FHIT: variants seen among roughly 807,000 people sequenced by gnomAD.
FHIT encodes bis(5'-adenosyl)-triphosphatase.
FHIT carries 19 observed loss-of-function variants against 17.9 expected under a neutral mutation model. The observed-to-expected ratio is 1.06, with a 90% CI of 0.74 to 1.56. FHIT has a LOEUF of 1.56. Among genes scored for constraint, FHIT ranks in the 40% most tolerant of loss-of-function variants. The probability of loss-of-function intolerance (pLI) is 0.00; values close to 1 mark genes in which losing one functional copy is unlikely to be tolerated. For missense variants in FHIT, 248 were observed against 189.2 expected, an observed-to-expected ratio of 1.31 and a Z score of -1.82; for synonymous variants, 81 against 69.7, an observed-to-expected ratio of 1.16 and a Z score of -0.81.
intron 4 of FHIT, among the ~76,000 whole-genome samples, chr3:60,591,027 C>T (rs958147587): frequency 6.6e-6 from 1 of 151,984 alleles, no homozygotes; most frequent in East Asian, 1.9e-4. Context: ...TGAAAGTCAG[C>T]AATAGTACCG....
At chr3:60,179,010 A>G (rs1701805119) in intron 5 of FHIT, among the ~76,000 whole-genome samples, 1 of 152,174 alleles carries the variant, frequency 6.6e-6, no homozygotes, top group African/African-American at 2.4e-5. Flanking sequence ...GGGGCCCCTT[A>G]ATTACACTAT....
intron 5 of FHIT, among the ~76,000 whole-genome samples, chr3:60,059,798 C>T (rs1702228105): frequency 6.6e-6 from 1 of 152,088 alleles, no homozygotes; most frequent in Non-Finnish European, 1.5e-5. Flanking sequence ...GTTGGGTCTC[C>T]CCTTCTAGTA....
intron 2 of FHIT, among the ~76,000 whole-genome samples, chr3:61,160,158 A>C (rs762703742): frequency 1.4e-4 from 21 of 152,144 alleles, no homozygotes; most frequent in Admixed American, 1.2e-3. Flanking sequence ...AGAAAACTAC[A>C]CATTCCTCTC....
chr3:60,399,056 C>T (rs1466687269), intron 5 of FHIT, among the ~76,000 whole-genome samples: 18 of 152,092 alleles, frequency 1.2e-4, no homozygotes, highest in Admixed American at 1.2e-3. Context: ...GCCAGATAAT[C>T]AGTCTCTTTT....
At chr3:60,805,455 T>A (rs552302178) in intron 4 of FHIT, among the ~76,000 whole-genome samples, 1 of 152,236 alleles carries the variant, frequency 6.6e-6, no homozygotes, top group East Asian at 1.9e-4. Context: ...TCCCCTAGTA[T>A]CTCCTCTTCT....
At chr3:60,035,861 C>A (rs1467383833) in intron 5 of FHIT, among the ~76,000 whole-genome samples, 2 of 152,136 alleles carry the variant, frequency 1.3e-5, no homozygotes, top group African/African-American at 4.8e-5. Context: ...ATAGGTTAAG[C>A]TAGGTGTTGC....
rs147195833 is a variant in FHIT at position 60,358,668 on chromosome 3, C to T, written c.103+178192G>A. Among the ~76,000 whole-genome samples, 766 of 152,286 alleles carry T rather than the reference C, an allele frequency of 5.0e-3. 8 individuals are homozygous for T. The highest frequency in any genetic ancestry group is 7.4e-3 in the Non-Finnish European group (500 of 68,020). ...AAAGAAGGGGCTGATAACACAGATA[C>T]AACATGGTAGGTCTATACTTTCTAG... On this transcript the variant is annotated intron_variant, in intron 5 of 9. Coordinates refer to ENST00000492590, the MANE Select transcript of FHIT (RefSeq NM_002012.4).
chr3:60,176,539 T>C (rs1464302539), intron 5 of FHIT, among the ~76,000 whole-genome samples: 1 of 152,144 alleles, frequency 6.6e-6, no homozygotes, highest in African/African-American at 2.4e-5. Flanking sequence ...TAAGGCTGTG[T>C]GATATATAAA....
At chr3:60,089,641 G>T (rs1039021441) in intron 5 of FHIT, among the ~76,000 whole-genome samples, 1 of 152,134 alleles carries the variant, frequency 6.6e-6, no homozygotes, top group Non-Finnish European at 1.5e-5. Context: ...CACCATTAGC[G>T]CTGCTCTAAC....
intron 5 of FHIT, among the ~76,000 whole-genome samples, chr3:60,060,357 C>T (rs145682532): frequency 8.5e-5 from 13 of 152,282 alleles, no homozygotes; most frequent in African/African-American, 3.1e-4. Context: ...AACTAAGGAT[C>T]ACTAAATCCT....
chr3:60,563,374 G>C (rs1271800295), intron 4 of FHIT, among the ~76,000 whole-genome samples: 2 of 152,160 alleles, frequency 1.3e-5, no homozygotes, highest in Non-Finnish European at 2.9e-5. Flanking sequence ...CTCAGATATT[G>C]CATTTTTAGA....
chr3:60,362,416 A>G (rs764972023), intron 5 of FHIT, among the ~76,000 whole-genome samples: 1 of 152,180 alleles, frequency 6.6e-6, no homozygotes, highest in Non-Finnish European at 1.5e-5. Flanking sequence ...GGTTAACAAA[A>G]TGTGTTGTTT....
intron 5 of FHIT, among the ~76,000 whole-genome samples, chr3:60,303,902 G>C (rs548243046): frequency 2.6e-5 from 4 of 152,152 alleles, no homozygotes; most frequent in Non-Finnish European, 4.4e-5. Context: ...GAGGATTACA[G>C]ATTAATAGTA....
At chr3:60,420,337 CAA>C (rs755753492) in intron 5 of FHIT, among the ~76,000 whole-genome samples, 36 of 152,124 alleles carry the variant, frequency 2.4e-4, no homozygotes, top group Non-Finnish European at 4.1e-4. Context: ...CAACTAGTCT[CAA>C]GTGATCAAAA....
At chr3:60,828,048 T>C (rs1702189610) in intron 3 of FHIT, among the ~76,000 whole-genome samples, 1 of 152,194 alleles carries the variant, frequency 6.6e-6, no homozygotes, top group Non-Finnish European at 1.5e-5. Flanking sequence ...ACCAACCAAA[T>C]AGGTGCATGA....
intron 3 of FHIT, among the ~76,000 whole-genome samples, chr3:60,830,717 C>T (rs782524033): frequency 1.2e-4 from 19 of 152,202 alleles, no homozygotes; most frequent in Non-Finnish European, 2.2e-4. Flanking sequence ...GGCTAACTAT[C>T]GGGAATCGGA....
intron 5 of FHIT, among the ~76,000 whole-genome samples, chr3:60,345,197 C>A (rs571696954): frequency 6.6e-6 from 1 of 152,244 alleles, no homozygotes; most frequent in East Asian, 1.9e-4. Context: ...TTAGGGACAT[C>A]CAGTACGTGT....
At chr3:60,163,144 G>A (rs1171880383) in intron 5 of FHIT, among the ~76,000 whole-genome samples, 3 of 140,260 alleles carry the variant, frequency 2.1e-5, no homozygotes, top group Non-Finnish European at 4.7e-5. Flanking sequence ...CCTATGGCCC[G>A]TAAGATGTTC....
rs183650007 is a variant in FHIT, at chr3:60,679,363, G to A, written c.-17-142384C>T. 5.3e-5 allele frequency among the ~76,000 whole-genome samples: 8 copies of A among 152,204 alleles called. 1 individual carries two copies. The highest frequency in any genetic ancestry group is 3.9e-4 in the Admixed American group (6 of 15,280). ...TGTCTGCTTACTGCACCTAATTTGA[G>A]AATTACAGAAAAACATTTTTAAAAA... On this transcript the variant is annotated intron_variant, in intron 4 of 9. Coordinates refer to ENST00000492590, the MANE Select transcript of FHIT (RefSeq NM_002012.4).
Sources: gnomAD v4.1 joint callset for allele counts (sites outside exome capture counted in the v4.1 genomes callset) on GRCh38, gnomAD v4.1.1 for gene constraint, MANE v1.5 for transcripts, NCBI Gene and HGNC (gene_info 2026-07-23, HGNC 2026-07-21) for gene names.